DNAH6: variants seen among roughly 807,000 people sequenced by gnomAD.
The protein encoded by DNAH6 is axonemal beta dynein heavy chain 6.
A neutral mutation model predicts 491.4 loss-of-function variants in DNAH6; 340 were observed. The ratio of observed to expected loss-of-function variants is 0.69; its 90% CI spans 0.63 to 0.76. The LOEUF is 0.76. DNAH6 is among the 30% of genes least tolerant of loss of function. DNAH6 has a pLI of 0.00. For synonymous variants in DNAH6, 1,603 were observed against 1,686.1 expected, an observed-to-expected ratio of 0.95 and a Z score of 1.21; for missense variants, 4,443 against 4,972.2, an observed-to-expected ratio of 0.89 and a Z score of 3.20.
At position 84,762,863 on chromosome 2, in the gene DNAH6, C is replaced by A. The variant is rs1323843098; in HGVS notation, c.10621C>A (p.Pro3541Thr). 6.4e-7 allele frequency: 1 copy of A among 1,551,390 alleles called. No homozygotes were observed. The highest frequency in any genetic ancestry group is 8.7e-7 in the Non-Finnish European group (1 of 1,146,722). Reference sequence around the variant, plus strand: ...GTATCAAGACATGTCATGCAACACTCCCCTGGTATTCATCCTAAGCACAGG... The same window carrying A: ...GTATCAAGACATGTCATGCAACACTACCCTGGTATTCATCCTAAGCACAGG... ...TLYQDMSCNTPLVFILSTGSD... is the reference protein window; with the variant it reads ...TLYQDMSCNTTLVFILSTGSD... Residue 3541 changes from proline (P) to threonine (T), a missense_variant, in exon 64 of 77, where the codon CCC (proline) becomes ACC (threonine). Physicochemically the swap from Pro to Thr is conservative, Grantham distance 38. Coordinates refer to ENST00000389394, the MANE Select transcript of DNAH6 (RefSeq NM_001370.2).
chr2:84,530,255 G>A (rs1305127669), intron 4 of DNAH6, among the ~76,000 whole-genome samples: 1 of 152,110 alleles, frequency 6.6e-6, no homozygotes. Flanking sequence ...AAAAAATAGA[G>A]GCAAAGAGGA....
the DNAH6 span, among the ~76,000 whole-genome samples, chr2:84,468,267 C>G: frequency 6.6e-6 from 1 of 152,148 alleles, no homozygotes; most frequent in East Asian, 1.9e-4. Context: ...TAGCTACACA[C>G]AAAGACAGAA....
Position 84,706,985 on chromosome 2 carries a change from A to C in DNAH6, c.8817A>C (p.Glu2939Asp). The change falls in exon 53 of 77, where the codon GAA (glutamate) becomes GAC (aspartate). Residue 2939 changes from glutamate (E) to aspartate (D), a missense_variant. Physicochemically the swap from Glu to Asp is conservative, Grantham distance 45. Around this residue, in one of 3 missense-constraint regions of DNAH6, gnomAD observed 1,463 missense variants for 1,656.6 expected, o/e 0.88. Coordinates refer to ENST00000389394, the MANE Select transcript of DNAH6 (RefSeq NM_001370.2). ...VEDQIQALQD[E>D]YDKGVNEKES... Reference sequence around the variant, plus strand: ...ATCAAATACAGGCCTTACAAGATGAATATGACAAAGGTGTAAATGAAAAAG... The same window carrying C: ...ATCAAATACAGGCCTTACAAGATGACTATGACAAAGGTGTAAATGAAAAAG... 6.5e-7 allele frequency: 1 copy of C among 1,535,632 alleles called. No individual in the cohort carries two copies. The highest frequency in any genetic ancestry group is 8.7e-7 in the Non-Finnish European group (1 of 1,143,726).
chr2:84,716,386 A>G (rs956549994), intron 58 of DNAH6, among the ~76,000 whole-genome samples: 1 of 151,882 alleles, frequency 6.6e-6, no homozygotes, highest in South Asian at 2.1e-4. Flanking sequence ...ACACATATGT[A>G]TGTATATAGG....
chr2:84,459,954 A>T, the DNAH6 span: 1 of 152,232 alleles, frequency 6.6e-6, no homozygotes, highest in African/African-American at 2.4e-5. Flanking sequence ...CACTAAGTGC[A>T]TGAGTGTTTA....
the DNAH6 span, among the ~76,000 whole-genome samples, chr2:84,462,830 C>T: frequency 1.3e-5 from 2 of 152,190 alleles, no homozygotes; most frequent in African/African-American, 4.8e-5. Flanking sequence ...CTAGCTGGAG[C>T]AGTCCTCATC....
At chr2:84,465,197 A>G in the DNAH6 span, among the ~76,000 whole-genome samples, 1 of 152,296 alleles carries the variant, frequency 6.6e-6, no homozygotes, top group East Asian at 1.9e-4. Flanking sequence ...TAAGTGTTTA[A>G]TTTAAGAAAA....
At chr2:84,773,858 A>G (rs13425682) in intron 64 of DNAH6, among the ~76,000 whole-genome samples, 21,092 of 151,986 alleles carry the variant, frequency 0.14, 1,634 homozygotes, top group African/African-American at 0.21. Context: ...GAATTTTTAT[A>G]TGTTTTTGGA....
At chr2:84,743,345 C>T (rs1672684521) in intron 62 of DNAH6, among the ~76,000 whole-genome samples, 1 of 152,216 alleles carries the variant, frequency 6.6e-6, no homozygotes, top group Admixed American at 6.5e-5. Context: ...AGAAATGCTA[C>T]AGACTTATGA....
chr2:84,544,547 G>T, intron 5 of DNAH6, 47 bp downstream of exon 5: 1 of 1,098,758 alleles, frequency 9.1e-7, no homozygotes, highest in Non-Finnish European at 1.3e-6. Flanking sequence ...TACAAAAAAA[G>T]AAAGTGTGAA....
At chr2:84,724,854 A>C (rs549737571) in intron 60 of DNAH6, among the ~76,000 whole-genome samples, 1 of 152,212 alleles carries the variant, frequency 6.6e-6, no homozygotes, top group South Asian at 2.1e-4. Context: ...GATTTCATGC[A>C]CCATCAATTC....
chr2:84,464,563 C>T, the DNAH6 span, among the ~76,000 whole-genome samples: 8 of 152,162 alleles, frequency 5.3e-5, no homozygotes, highest in Non-Finnish European at 7.3e-5. Flanking sequence ...ACAGCAGCCC[C>T]GAGGGCTGCT....
chr2:84,557,068 G>A lies in DNAH6; in HGVS notation c.1603-667G>A, dbSNP rs575446075. ...ATTTTTCCCATAGATTAGCTTTCTG[G>A]AATATAGATTACTACTCAAAGAATA... On this transcript the variant is annotated intron_variant, in intron 10 of 76. Coordinates refer to ENST00000389394, the MANE Select transcript of DNAH6 (RefSeq NM_001370.2). 2.0e-5 allele frequency among the ~76,000 whole-genome samples: 3 copies of A among 152,194 alleles called. No homozygotes were observed. In the South Asian group the frequency reaches 6.2e-4, roughly 32 times the overall value.
chr2:84,503,990 C>T, the DNAH6 span, among the ~76,000 whole-genome samples: 2 of 152,080 alleles, frequency 1.3e-5, no homozygotes, highest in African/African-American at 2.4e-5. Flanking sequence ...AATACATTTT[C>T]TACCCATATC....
At chr2:84,804,096 A>G (rs1679191241) in intron 70 of DNAH6, among the ~76,000 whole-genome samples, 1 of 151,636 alleles carries the variant, frequency 6.6e-6, no homozygotes, top group Admixed American at 6.6e-5. Flanking sequence ...AATCCCAGCT[A>G]CTTGGAGGCT....
chr2:84,753,907 C>T (rs1413640750), intron 63 of DNAH6, among the ~76,000 whole-genome samples: 3 of 151,398 alleles, frequency 2.0e-5, no homozygotes, highest in Non-Finnish European at 4.4e-5. Context: ...TCACTGCAAC[C>T]TCCACCTCCC....
chr2:84,521,802 T>G (rs991102168), intron 2 of DNAH6, among the ~76,000 whole-genome samples: 2 of 152,132 alleles, frequency 1.3e-5, no homozygotes, highest in South Asian at 2.1e-4. Context: ...GCCTTATTTT[T>G]GGGCTCTTTA....
chr2:84,523,617 G>A (rs1558660462), intron 2 of DNAH6, among the ~76,000 whole-genome samples: 1 of 151,978 alleles, frequency 6.6e-6, no homozygotes, highest in Non-Finnish European at 1.5e-5. Context: ...TCTTAACACT[G>A]CCTTAACTGT....
At chr2:84,766,736 A>T (rs950923802) in intron 64 of DNAH6, among the ~76,000 whole-genome samples, 1 of 152,154 alleles carries the variant, frequency 6.6e-6, no homozygotes, top group Non-Finnish European at 1.5e-5. Flanking sequence ...ACTCATGGCC[A>T]TTTTTTTCCT....
Sources: gnomAD v4.1 joint callset for allele counts (sites outside exome capture counted in the v4.1 genomes callset) on GRCh38, gnomAD v4.1.1 for gene constraint, gnomAD v4.1.1 regional missense constraint, MANE v1.5 for transcripts, NCBI Gene and HGNC (gene_info 2026-07-23, HGNC 2026-07-21) for gene names.